TMC1: variants seen among roughly 807,000 people sequenced by gnomAD.
The protein encoded by TMC1 is transmembrane channel like 1.
A neutral mutation model predicts 105.8 loss-of-function variants in TMC1; 84 were observed. That is an observed-to-expected ratio of 0.79 (90% CI 0.67 to 0.95). TMC1 has a LOEUF of 0.95. TMC1 is among the 40% of genes least tolerant of loss of function. The pLI is 0.00. For missense variants in TMC1, 817 were observed against 914.1 expected (o/e 0.89, Z 1.37); for synonymous variants, 315 against 311.5 (o/e 1.01, Z -0.12).
chr9:72,528,381 C>CT (rs1823441843), intron 1 of TMC1, among the ~76,000 whole-genome samples: 1 of 150,744 alleles, frequency 6.6e-6, no homozygotes, highest in African/African-American at 2.4e-5. Flanking sequence ...GTTGCCCAGG[C>CT]TGGAGTGCAA....
chr9:72,580,913 C>G (rs1199316834), intron 2 of TMC1, among the ~76,000 whole-genome samples: 1 of 152,148 alleles, frequency 6.6e-6, no homozygotes, highest in Non-Finnish European at 1.5e-5. Flanking sequence ...CAAGTCAAAC[C>G]TGAGATGCTA....
At chr9:72,787,444 C>A (rs1828184892) in intron 13 of TMC1, among the ~76,000 whole-genome samples, 1 of 152,044 alleles carries the variant, frequency 6.6e-6, no homozygotes, top group Non-Finnish European at 1.5e-5. Flanking sequence ...GTGCCCCTTT[C>A]TTCTTTGGGG....
intron 21 of TMC1, among the ~76,000 whole-genome samples, chr9:72,829,394 G>C (rs1010061312): frequency 3.3e-5 from 5 of 152,190 alleles, no homozygotes; most frequent in Admixed American, 1.3e-4. Flanking sequence ...GAAAATCATG[G>C]TGGATAAATA....
chr9:72,565,763 G>A (rs549686610), intron 1 of TMC1, among the ~76,000 whole-genome samples: 1 of 152,304 alleles, frequency 6.6e-6, no homozygotes, highest in African/African-American at 2.4e-5. Flanking sequence ...ATGGTGGCAG[G>A]CAAGAGCGTG....
chr9:72,527,710 T>C (rs570166683), intron 1 of TMC1, among the ~76,000 whole-genome samples: 1 of 152,292 alleles, frequency 6.6e-6, no homozygotes, highest in Non-Finnish European at 1.5e-5. Flanking sequence ...CCTGGTTTAT[T>C]GTAGGAGAGC....
intron 4 of TMC1, among the ~76,000 whole-genome samples, chr9:72,646,165 T>C (rs891576062): frequency 1.3e-5 from 2 of 152,192 alleles, no homozygotes; most frequent in African/African-American, 4.8e-5. Context: ...TACATATCAA[T>C]GTACTGATGA....
chr9:72,686,686 C>T (rs1026243712), intron 5 of TMC1, among the ~76,000 whole-genome samples: 7 of 152,080 alleles, frequency 4.6e-5, no homozygotes, highest in East Asian at 1.9e-4. Flanking sequence ...GACTGTTCCA[C>T]GATCAGACAA....
At chr9:72,697,897 T>C (rs1244437283) in intron 7 of TMC1, among the ~76,000 whole-genome samples, 1 of 152,152 alleles carries the variant, frequency 6.6e-6, no homozygotes, top group Non-Finnish European at 1.5e-5. Flanking sequence ...TTTTTGCTAG[T>C]TTCTGAAAAT....
intron 2 of TMC1, among the ~76,000 whole-genome samples, chr9:72,590,590 C>A (rs538379399): frequency 1.1e-3 from 175 of 152,294 alleles, no homozygotes; most frequent in African/African-American, 4.0e-3. Context: ...ATGCTCACCT[C>A]AAAAGGTTGT....
At chr9:72,668,313 GC>G (rs1344855264) in intron 5 of TMC1, among the ~76,000 whole-genome samples, 1 of 152,166 alleles carries the variant, frequency 6.6e-6, no homozygotes, top group African/African-American at 2.4e-5. Flanking sequence ...TTTTGAGGAG[GC>G]AGAGCTAGGT....
rs71359527 is a variant in TMC1 at position 72,830,754 on chromosome 9, T to TTTG, written c.2260+72_2260+73insTTG. 3.0e-5 allele frequency: 37 copies of TTTG among 1,253,576 alleles called. No individual in the cohort carries two copies. The African/African-American group carries it at 4.8e-4, about 16-fold the overall frequency. The allele number at this position is 1,253,576 out of a possible 1,614,324, so 77.7% of individuals were successfully genotyped here. On this transcript the variant is annotated intron_variant, in intron 23 of 23. Transcript: ENST00000297784. The stretch of plus-strand genomic sequence containing the variant: ...TTTTTCTTTCTTTTTTTTTTTTTTT[T>TTTG]GCTTTTTCTCCATTGGATGGTGAGT...
intron 8 of TMC1, among the ~76,000 whole-genome samples, chr9:72,713,951 G>T (rs956040184): frequency 3.9e-5 from 6 of 152,066 alleles, no homozygotes; most frequent in African/African-American, 1.4e-4. Context: ...GTGTCCCAGA[G>T]ATTCTGGTAC....
At position 72,663,362 on chromosome 9, in the gene TMC1, G is replaced by C. The variant is rs570570373; in HGVS notation, c.16+14698G>C. 3.3e-5 allele frequency among the ~76,000 whole-genome samples: 5 copies of C among 152,326 alleles called. No homozygotes were observed. In the South Asian group the frequency reaches 8.3e-4, roughly 25 times the overall value. On this transcript the variant is annotated intron_variant, in intron 5 of 23. Transcript: ENST00000297784. ...AAGACCAATCTTAGGTTCTGTAATA[G>C]TGATGTTATTTGCAGGAGTAATTGG...
chr9:72,541,238 T>C (rs1238657560), intron 1 of TMC1, among the ~76,000 whole-genome samples: 1 of 152,230 alleles, frequency 6.6e-6, no homozygotes, highest in Non-Finnish European at 1.5e-5. Flanking sequence ...TGTTATCACT[T>C]AATCAATTCT....
At chr9:72,587,920 G>T (rs1824579894) in intron 2 of TMC1, among the ~76,000 whole-genome samples, 1 of 151,742 alleles carries the variant, frequency 6.6e-6, no homozygotes, top group Non-Finnish European at 1.5e-5. Context: ...CAAATAGCCG[G>T]AATTACAGGC....
intron 1 of TMC1, among the ~76,000 whole-genome samples, chr9:72,546,518 C>T (rs1823771711): frequency 6.6e-6 from 1 of 152,184 alleles, no homozygotes; most frequent in Non-Finnish European, 1.5e-5. Context: ...GTTATTGCTG[C>T]TGGCTGTTTT....
chr9:72,593,243 A>G lies in TMC1; in HGVS notation c.-306+15220A>G, dbSNP rs1231394704. On this transcript the variant is annotated intron_variant, in intron 2 of 23. Transcript: ENST00000297784. ...AAAACCAGCATTTCAGAAAACAGAA[A>G]CAGGCAAAAATCTGGCGGAGTGTGG... Among the ~76,000 whole-genome samples the G allele has an allele frequency of 2.6e-5, 4 of 152,170 alleles. No individual in the cohort carries two copies. The East Asian group carries it at 7.7e-4, about 29-fold the overall frequency.
intron 5 of TMC1, among the ~76,000 whole-genome samples, chr9:72,666,508 G>A (rs1012285146): frequency 6.6e-6 from 1 of 152,138 alleles, no homozygotes; most frequent in Non-Finnish European, 1.5e-5. Context: ...CAAGACACAG[G>A]GGGAAATGTG....
At chr9:72,778,804 C>A (rs1033593277) in intron 13 of TMC1, among the ~76,000 whole-genome samples, 2 of 152,178 alleles carry the variant, frequency 1.3e-5, no homozygotes, top group Non-Finnish European at 2.9e-5. Context: ...GCTTGGATGT[C>A]CAACTGGGGC....
Sources: allele counts gnomAD v4.1 joint callset (sites outside exome capture counted in the v4.1 genomes callset), GRCh38; gene constraint gnomAD v4.1.1; transcripts MANE v1.5; gene names NCBI Gene and HGNC (gene_info 2026-07-23, HGNC 2026-07-21).